Variants in CCDC91 observed in about 807,000 individuals in gnomAD.
CCDC91 encodes coiled-coil domain-containing protein 91.
Under a neutral mutation model 63.2 loss-of-function variants are expected in CCDC91, and 48 were observed. The ratio of observed to expected loss-of-function variants is 0.76; its 90% CI spans 0.60 to 0.97. The LOEUF is 0.97. CCDC91 is among the 50% of genes least tolerant of loss of function. CCDC91 has a pLI of 0.00. For synonymous variants in CCDC91, 167 were observed against 165.8 expected, an observed-to-expected ratio of 1.01 and a Z score of -0.06; for missense variants, 500 against 494.6, an observed-to-expected ratio of 1.01 and a Z score of -0.10.
rs1355355661 is a variant in CCDC91 at position 28,362,487 on chromosome 12, C to G, written c.626C>G (p.Ala209Gly). 11 of 1,598,008 alleles carry G rather than the reference C, an allele frequency of 6.9e-6. No homozygotes were observed. The East Asian group carries it at 2.5e-4, about 36-fold the overall frequency. ...LEDMRKAGHEALSIIVDEYKA... is the reference protein window; with the variant it reads ...LEDMRKAGHEGLSIIVDEYKA... ...GACATGAGGAAAGCTGGTCACGAAG[C>G]CCTCAGCATTATTGTGGATGAATAT... is the stretch of plus-strand genomic sequence containing the variant. The change falls in exon 7 of 13, where the codon GCC becomes GGC. Residue 209 changes from alanine (A) to glycine (G), a missense_variant. By Grantham distance (60) the Ala-to-Gly change is moderately conservative (BLOSUM62 0). Transcript: ENST00000536442.
intron 8 of CCDC91, among the ~76,000 whole-genome samples, chr12:28,441,067 A>G (rs887219238): frequency 7.8e-5 from 2 of 25,548 alleles, no homozygotes; most frequent in Non-Finnish European, 1.8e-4. Context: ...CAAAAAAAAA[A>G]AAAAAAAAAA....
At chr12:28,396,588 C>T (rs149546259) in intron 8 of CCDC91, among the ~76,000 whole-genome samples, 13 of 150,838 alleles carry the variant, frequency 8.6e-5, no homozygotes, top group Admixed American at 4.6e-4. Flanking sequence ...GAAGAGAAAC[C>T]GGAGACTTTG....
chr12:28,544,871 G>A (rs1942878519), intron 12 of CCDC91, among the ~76,000 whole-genome samples: 1 of 151,952 alleles, frequency 6.6e-6, no homozygotes, highest in Admixed American at 6.6e-5. Context: ...TCATGAAAGG[G>A]TAAATCTAAT....
At chr12:28,207,052 A>G (rs12049916) in intron 1 of CCDC91, among the ~76,000 whole-genome samples, 35,497 of 152,224 alleles carry the variant, frequency 0.23, 4,871 homozygotes, top group East Asian at 0.56. Flanking sequence ...TTATCCATGT[A>G]TAAGGCTGGC....
chr12:28,348,387 T>A (rs1320258342), intron 6 of CCDC91, among the ~76,000 whole-genome samples: 1 of 152,194 alleles, frequency 6.6e-6, no homozygotes, highest in Non-Finnish European at 1.5e-5. Flanking sequence ...TCTGCACTGC[T>A]GCAGTGCCCG....
chr12:28,411,660 T>C (rs190440159), intron 8 of CCDC91, among the ~76,000 whole-genome samples: 122 of 152,292 alleles, frequency 8.0e-4, no homozygotes, highest in Non-Finnish European at 1.5e-3. Flanking sequence ...GATGTTTTGG[T>C]GAACGATGGA....
At position 28,465,860 on chromosome 12, in the gene CCDC91, A is replaced by G. The variant is rs146047484; in HGVS notation, c.1101+13206A>G. 7.9e-5 allele frequency among the ~76,000 whole-genome samples: 12 copies of G among 152,296 alleles called. No homozygotes were observed. In the East Asian group the frequency reaches 1.7e-3, roughly 22 times the overall value. On this transcript the variant is annotated intron_variant, in intron 11 of 12. Coordinates refer to ENST00000536442, the MANE Select transcript of CCDC91 (RefSeq NM_018318.5). ...AGAGACCAATTCTGGAGATACAGAG[A>G]TATATGACCTTTCAGACAGGGAATT...
intron 6 of CCDC91, among the ~76,000 whole-genome samples, chr12:28,326,446 A>G (rs1447336386): frequency 6.6e-6 from 1 of 151,118 alleles, no homozygotes; most frequent in East Asian, 1.9e-4. Flanking sequence ...CATGTGCACA[A>G]TGTGCAAGTT....
At chr12:28,310,184 T>C (rs1397198349) in intron 6 of CCDC91, among the ~76,000 whole-genome samples, 1 of 152,076 alleles carries the variant, frequency 6.6e-6, no homozygotes, top group Non-Finnish European at 1.5e-5. Context: ...AATAATGAGA[T>C]AACTTTGTGT....
intron 1 of CCDC91, among the ~76,000 whole-genome samples, chr12:28,227,984 T>C (rs1340033437): frequency 6.6e-6 from 1 of 152,054 alleles, no homozygotes; most frequent in African/African-American, 2.4e-5. Flanking sequence ...TTTAGGAGTG[T>C]GTCTGGAACA....
intron 7 of CCDC91, among the ~76,000 whole-genome samples, chr12:28,363,420 T>C (rs887391498): frequency 1.3e-5 from 2 of 152,220 alleles, no homozygotes. Flanking sequence ...TGTTTAACCA[T>C]ACATGTTTAC....
At position 28,520,947 on chromosome 12, in the gene CCDC91, C is replaced by G. The variant is rs1453035571; in HGVS notation, c.1216-28116C>G. Among the ~76,000 whole-genome samples the G allele has an allele frequency of 2.6e-5, 4 of 152,210 alleles. No individual in the cohort carries two copies. The East Asian group carries it at 7.7e-4, about 29-fold the overall frequency. ...TTGGTCTATATCTCTGTTTTGGTACCAGTACCATGCTGTTTTGGTTACTGT... is the reference window on the plus strand; with the variant it reads ...TTGGTCTATATCTCTGTTTTGGTACGAGTACCATGCTGTTTTGGTTACTGT... On this transcript the variant is annotated intron_variant, in intron 12 of 12. Coordinates refer to ENST00000536442, the MANE Select transcript of CCDC91 (RefSeq NM_018318.5).
intron 3 of CCDC91, among the ~76,000 whole-genome samples, chr12:28,278,654 CTT>C (rs1045352165): frequency 6.6e-6 from 1 of 152,002 alleles, no homozygotes; most frequent in Non-Finnish European, 1.5e-5. Context: ...CTTTTGAACT[CTT>C]TACTTTTCAA....
chr12:28,249,488 A>G (rs1250149161), intron 1 of CCDC91, among the ~76,000 whole-genome samples: 3 of 152,286 alleles, frequency 2.0e-5, no homozygotes, highest in South Asian at 4.1e-4. Context: ...AAATTTACCC[A>G]TCTGGTCACA....
chr12:28,425,430 A>C (rs1389334383), intron 8 of CCDC91, among the ~76,000 whole-genome samples: 2 of 152,018 alleles, frequency 1.3e-5, no homozygotes, highest in Non-Finnish European at 2.9e-5. Context: ...AGGCTCTATA[A>C]AACTGCCAGA....
chr12:28,238,579 G>A (rs1244612769), intron 1 of CCDC91, among the ~76,000 whole-genome samples: 1 of 152,036 alleles, frequency 6.6e-6, no homozygotes, highest in African/African-American at 2.4e-5. Context: ...TTGAAATCTA[G>A]CTCATAGAAA....
In CCDC91 at chr12:28,450,083, G is replaced by A. The variant is rs1031262008; in HGVS notation, c.763-78G>A. ...AACTACTTCAATTTTCTGGACAAAT[G>A]AATTCTACCAGCTACTCTCCTTGTT... On this transcript the variant is annotated intron_variant, in intron 8 of 12. Coordinates refer to ENST00000536442, the MANE Select transcript of CCDC91 (RefSeq NM_018318.5). 37 of 763,036 alleles carry A rather than the reference G, an allele frequency of 4.8e-5. No homozygotes were observed. The African/African-American group carries it at 5.2e-4, about 11-fold the overall frequency. 47.3% of individuals were successfully genotyped at this position (763,036 alleles called of 1,614,324 possible).
At chr12:28,453,923 T>A (rs1164271996) in intron 11 of CCDC91, among the ~76,000 whole-genome samples, 1 of 152,052 alleles carries the variant, frequency 6.6e-6, no homozygotes, top group African/African-American at 2.4e-5. Context: ...TCAGCACATA[T>A]TCGTCATCCT....
intron 12 of CCDC91, among the ~76,000 whole-genome samples, chr12:28,512,171 C>T (rs1391309571): frequency 1.3e-5 from 2 of 151,716 alleles, no homozygotes; most frequent in Non-Finnish European, 2.9e-5. Context: ...GTGTATTTTC[C>T]TACCTTGTGT....
Sources: gnomAD v4.1 joint callset for allele counts (sites outside exome capture counted in the v4.1 genomes callset) on GRCh38, gnomAD v4.1.1 for gene constraint, MANE v1.5 for transcripts, NCBI Gene and HGNC (gene_info 2026-07-23, HGNC 2026-07-21) for gene names.